The following ATG10 variants were observed in gnomAD, a reference collection of about 807,000 sequenced individuals.
The protein encoded by ATG10 is autophagy related 10.
In ATG10, 30 loss-of-function variants were observed where a neutral mutation model predicts 32.1. The observed-to-expected ratio is 0.94, with a 90% CI of 0.70 to 1.27. The LOEUF is 1.27. Ranked by LOEUF, ATG10 falls within the 50% of genes most tolerant of loss-of-function variation. ATG10 has a pLI of 0.00. For synonymous variants in ATG10, 87 were observed against 91.5 expected (o/e 0.95, Z 0.28); for missense variants, 233 against 262.3 (o/e 0.89, Z 0.77).
intron 4 of ATG10, among the ~76,000 whole-genome samples, chr5:82,168,757 A>T (rs139088161): frequency 1.1e-3 from 166 of 152,346 alleles, no homozygotes; most frequent in Middle Eastern, 6.8e-3. Context: ...ACTAAGATAA[A>T]CGCCATGATA....
At chr5:82,057,810 T>C (rs1331590881) in intron 2 of ATG10, among the ~76,000 whole-genome samples, 1 of 152,146 alleles carries the variant, frequency 6.6e-6, no homozygotes, top group East Asian at 1.9e-4. Context: ...TCAGAAACCA[T>C]ATTTTGTAAG....
At chr5:82,186,412 ATACTCTGTTTGTTATATCCT>A (rs1375247812) in intron 5 of ATG10, among the ~76,000 whole-genome samples, 1 of 152,154 alleles carries the variant, frequency 6.6e-6, no homozygotes, top group African/African-American at 2.4e-5. Flanking sequence ...AGTGTGAGAT[ATACTCTGTTTGTTATATCCT>A]TACTTTGGTA....
intron 2 of ATG10, 42 bp from the exon 3 acceptor site, chr5:82,058,453 T>A: frequency 7.2e-7 from 1 of 1,390,274 alleles, no homozygotes; most frequent in Non-Finnish European, 1.0e-6. Flanking sequence ...ATTCTTAAAA[T>A]AATTGGCATT....
intron 2 of ATG10, among the ~76,000 whole-genome samples, chr5:82,039,099 G>C (rs1047449495): frequency 6.6e-6 from 1 of 152,132 alleles, no homozygotes; most frequent in Non-Finnish European, 1.5e-5. Context: ...TCCCACCTTG[G>C]CCTCCCAAAG....
intron 3 of ATG10, among the ~76,000 whole-genome samples, chr5:82,120,982 C>A: frequency 6.6e-6 from 1 of 152,070 alleles, no homozygotes. Flanking sequence ...TAAATATTAT[C>A]CTCAAAATAT....
chr5:82,193,561 T>TA (rs1315751376), intron 5 of ATG10, among the ~76,000 whole-genome samples: 1 of 152,152 alleles, frequency 6.6e-6, no homozygotes, highest in Non-Finnish European at 1.5e-5. Context: ...TCGCATATGG[T>TA]AATCCATGTA....
chr5:82,013,802 T>C (rs1762200251), intron 2 of ATG10, among the ~76,000 whole-genome samples: 1 of 152,212 alleles, frequency 6.6e-6, no homozygotes, highest in African/African-American at 2.4e-5. Context: ...TTGTATATCT[T>C]CTTTTGAGAA....
At chr5:82,192,227 G>A (rs959397828) in intron 5 of ATG10, among the ~76,000 whole-genome samples, 9 of 152,274 alleles carry the variant, frequency 5.9e-5, no homozygotes, top group Admixed American at 1.3e-4. Flanking sequence ...GTGGGGATGT[G>A]ATTCTAGAAT....
At chr5:82,044,464 T>C (rs779812482) in intron 2 of ATG10, among the ~76,000 whole-genome samples, 2 of 152,212 alleles carry the variant, frequency 1.3e-5, no homozygotes, top group African/African-American at 2.4e-5. Context: ...GATTTTTCCT[T>C]CCTGTTTCAG....
intron 2 of ATG10, among the ~76,000 whole-genome samples, chr5:82,008,327 A>G (rs1234185324): frequency 1.3e-5 from 2 of 152,150 alleles, no homozygotes; most frequent in African/African-American, 2.4e-5. Context: ...GATTAGGAGA[A>G]AAATGCACTT....
chr5:82,108,751 A>T (rs925281873), intron 3 of ATG10, among the ~76,000 whole-genome samples: 4 of 152,120 alleles, frequency 2.6e-5, no homozygotes, highest in African/African-American at 9.6e-5. Context: ...ATATTTAAAC[A>T]CAAGGCAGAA....
chr5:82,088,013 A>G (rs1347788230), intron 3 of ATG10, among the ~76,000 whole-genome samples: 1 of 152,212 alleles, frequency 6.6e-6, no homozygotes, highest in African/African-American at 2.4e-5. Context: ...GGAAGCAAAG[A>G]GATAAATAAA....
At chr5:82,103,939 C>T (rs990757691) in intron 3 of ATG10, among the ~76,000 whole-genome samples, 1 of 152,102 alleles carries the variant, frequency 6.6e-6, no homozygotes, top group Non-Finnish European at 1.5e-5. Flanking sequence ...TTCTTCTTAA[C>T]CTTAGATAAA....
chr5:82,199,714 GT>G (rs1744992646), intron 5 of ATG10, among the ~76,000 whole-genome samples: 1 of 152,134 alleles, frequency 6.6e-6, no homozygotes, highest in South Asian at 2.1e-4. Flanking sequence ...AGTTCCATAA[GT>G]TTTAGAAAAA....
chr5:82,123,084 A>G (rs1296790348), intron 3 of ATG10, among the ~76,000 whole-genome samples: 1 of 152,258 alleles, frequency 6.6e-6, no homozygotes, highest in Non-Finnish European at 1.5e-5. Flanking sequence ...ACTATTCACA[A>G]TAGCAAAGAC....
chr5:81,987,890 A>T (rs542250098), intron 2 of ATG10, among the ~76,000 whole-genome samples: 1 of 151,040 alleles, frequency 6.6e-6, no homozygotes, highest in African/African-American at 2.4e-5. Context: ...CTAATGAAGT[A>T]TTATTTTGAA....
chr5:82,048,499 A>G (rs1006440310), intron 2 of ATG10, among the ~76,000 whole-genome samples: 8 of 152,212 alleles, frequency 5.3e-5, no homozygotes, highest in Admixed American at 3.3e-4. Flanking sequence ...CAAGGACTTC[A>G]GGTCTAAAAC....
chr5:82,110,318 A>C (rs1765577774), intron 3 of ATG10, among the ~76,000 whole-genome samples: 1 of 152,120 alleles, frequency 6.6e-6, no homozygotes, highest in Non-Finnish European at 1.5e-5. Context: ...TATACCCAGT[A>C]ATGGGATGGC....
chr5:81,980,528 T>C (rs1236551437), intron 1 of ATG10, among the ~76,000 whole-genome samples: 5 of 152,300 alleles, frequency 3.3e-5, no homozygotes, highest in Non-Finnish European at 7.4e-5. Flanking sequence ...ACAACGAAAT[T>C]TATGAAGGAT....
Sources: gnomAD v4.1 joint callset for allele counts (sites outside exome capture counted in the v4.1 genomes callset) on GRCh38, gnomAD v4.1.1 for gene constraint, MANE v1.5 for transcripts, NCBI Gene and HGNC (gene_info 2026-07-23, HGNC 2026-07-21) for gene names.